USH2A: variants seen among roughly 807,000 people sequenced by gnomAD.
The protein encoded by USH2A is Usher syndrome 2A (autosomal recessive, mild).
In USH2A, 443 loss-of-function variants were observed where a neutral mutation model predicts 538.9. The ratio of observed to expected loss-of-function variants is 0.82; its 90% CI spans 0.76 to 0.89. USH2A has a LOEUF of 0.89. USH2A is among the 40% of genes least tolerant of loss of function. The pLI, the probability that USH2A is intolerant of heterozygous loss-of-function variation, is 0.00. For missense variants in USH2A, 6,633 were observed against 6,324.8 expected (o/e 1.05, Z -1.65); for synonymous variants, 2,413 against 2,273.5 (o/e 1.06, Z -1.75).
chr1:216,332,147 G>C (rs1323247056), intron 4 of USH2A, among the ~76,000 whole-genome samples: 2 of 152,116 alleles, frequency 1.3e-5, no homozygotes, highest in Non-Finnish European at 2.9e-5. Context: ...CAGAATGGGA[G>C]TGGAGCTGTT....
chr1:216,323,260 A>C (rs1314545469), intron 8 of USH2A, among the ~76,000 whole-genome samples: 3 of 137,888 alleles, frequency 2.2e-5, no homozygotes, highest in Non-Finnish European at 4.6e-5. Flanking sequence ...ATATATATTT[A>C]TTTATAAAAT....
chr1:216,065,197 G>C (rs1271688702), intron 30 of USH2A, among the ~76,000 whole-genome samples: 2 of 152,116 alleles, frequency 1.3e-5, no homozygotes, highest in Non-Finnish European at 2.9e-5. Context: ...CAATCTGTGG[G>C]ATCTCGCCTT....
intron 50 of USH2A, among the ~76,000 whole-genome samples, chr1:215,790,507 C>A (rs751222588): frequency 5.3e-5 from 8 of 152,062 alleles, no homozygotes; most frequent in African/African-American, 1.9e-4. Context: ...AGGAAATGTT[C>A]GAAAATCATT....
In USH2A at chr1:216,307,048, G is replaced by A. The variant is rs1208261659; in HGVS notation, c.1645-14678C>T. Among the ~76,000 whole-genome samples, 8 of 146,830 alleles carry A rather than the reference G, an allele frequency of 5.4e-5. No individual in the cohort carries two copies. In the East Asian group the frequency reaches 7.8e-4, roughly 14 times the overall value. On this transcript the variant is annotated intron_variant, in intron 9 of 71. Transcript: ENST00000307340. ...GTGGCGCTTTCAAGAGAGCATCAAC[G>A]GCAGTAGCATAGGGAGGATACAAGC...
rs2031017192 is a variant in USH2A at position 216,057,493 on chromosome 1, T to C, written c.6050-8846A>G. ...CAATATAGTGAAATCCCATCTCTAC[T>C]AAAAATACCAACAACAAAAACAAAA... On this transcript the variant is annotated intron_variant, in intron 30 of 71. Coordinates refer to ENST00000307340, the MANE Select transcript of USH2A (RefSeq NM_206933.4). Among the ~76,000 whole-genome samples, 5 of 151,738 alleles carry C rather than the reference T, an allele frequency of 3.3e-5. No homozygotes were observed. In the South Asian group the frequency reaches 1.0e-3, roughly 32 times the overall value.
At chr1:216,044,817 C>T (rs2030443356) in intron 32 of USH2A, among the ~76,000 whole-genome samples, 2 of 152,068 alleles carry the variant, frequency 1.3e-5, no homozygotes, top group Non-Finnish European at 1.5e-5. Flanking sequence ...AGTTTCTTCA[C>T]TTGTAAAATT....
intron 9 of USH2A, among the ~76,000 whole-genome samples, chr1:216,318,197 C>T (rs1464460764): frequency 6.6e-6 from 1 of 152,132 alleles, no homozygotes; most frequent in African/African-American, 2.4e-5. Context: ...ATATAATTCA[C>T]AAAAGCCCTG....
intron 9 of USH2A, 122 bp from the exon 10 acceptor site, chr1:216,292,492 A>G: frequency 9.4e-7 from 1 of 1,063,248 alleles, no homozygotes; most frequent in Non-Finnish European, 1.3e-6. Flanking sequence ...GTCAGCAATG[A>G]TTTTATTTGA....
intron 3 of USH2A, among the ~76,000 whole-genome samples, chr1:216,405,242 T>G (rs905220543): frequency 1.3e-5 from 2 of 152,134 alleles, no homozygotes; most frequent in Non-Finnish European, 1.5e-5. Context: ...CAAGACTTCA[T>G]AGACTTGACA....
At chr1:216,106,360 G>A (rs1246254696) in intron 21 of USH2A, among the ~76,000 whole-genome samples, 1 of 149,872 alleles carries the variant, frequency 6.7e-6, no homozygotes, top group Non-Finnish European at 1.5e-5. Flanking sequence ...AATATTTGTA[G>A]TGGTCCTTCA....
At chr1:216,007,102 C>T (rs1668411704) in intron 32 of USH2A, among the ~76,000 whole-genome samples, 1 of 152,088 alleles carries the variant, frequency 6.6e-6, no homozygotes, top group African/African-American at 2.4e-5. Flanking sequence ...TCCCTTGGCT[C>T]TCATTTCTGT....
rs113823393 is a variant in USH2A, at chr1:215,741,043, A to G, written c.11711+332T>C. On this transcript the variant is annotated intron_variant, in intron 60 of 71. Coordinates refer to ENST00000307340, the MANE Select transcript of USH2A (RefSeq NM_206933.4). ...GGACTCTGTGGCCTGGGGGTTAGGA[A>G]CCCCTGCTTTAGAGGACTGTTCTGC... Among the ~76,000 whole-genome samples, 863 of 146,806 alleles carry G rather than the reference A, an allele frequency of 5.9e-3. 5 individuals carry two copies. The highest frequency in any genetic ancestry group is 0.021 in the African/African-American group (829 of 39,756).
At chr1:216,136,360 T>C (rs2033486567) in intron 21 of USH2A, among the ~76,000 whole-genome samples, 1 of 152,202 alleles carries the variant, frequency 6.6e-6, no homozygotes, top group Admixed American at 6.6e-5. Flanking sequence ...ATACTAGTTA[T>C]TAAAGCTTTT....
chr1:216,169,257 C>A (rs1305401752), intron 21 of USH2A, among the ~76,000 whole-genome samples: 4 of 152,074 alleles, frequency 2.6e-5, no homozygotes, highest in African/African-American at 9.7e-5. Context: ...TTTAAGTTAA[C>A]TAAAATACTG....
chr1:215,894,551 T>A (rs1665278781), intron 40 of USH2A, among the ~76,000 whole-genome samples: 1 of 152,158 alleles, frequency 6.6e-6, no homozygotes, highest in Non-Finnish European at 1.5e-5. Context: ...ATGGTTTTGT[T>A]TTAGAATTCT....
chr1:215,647,389 T>C (rs1656886715), intron 67 of USH2A, 133 bp downstream of exon 67: 2 of 1,109,464 alleles, frequency 1.8e-6, no homozygotes, highest in African/African-American at 3.1e-5. Context: ...TCCTCATCAA[T>C]GCTTCAGTAA....
rs1314039178 is a variant in USH2A at position 215,790,351 on chromosome 1, G to A, written c.9959-69C>T. 1.1e-5 allele frequency: 17 copies of A among 1,564,062 alleles called. No homozygotes were observed. In the South Asian group the frequency reaches 1.7e-4, roughly 15 times the overall value. ...GGAAGAAAACTGAGGCTGCTATAAA[G>A]TTTGGTATAAAAATGTCAGGCTCAG... On this transcript the variant is annotated intron_variant, in intron 50 of 71. Coordinates refer to ENST00000307340, the MANE Select transcript of USH2A (RefSeq NM_206933.4).
intron 13 of USH2A, among the ~76,000 whole-genome samples, chr1:216,241,501 T>C (rs1489974363): frequency 3.9e-5 from 6 of 152,112 alleles, no homozygotes; most frequent in African/African-American, 1.4e-4. Flanking sequence ...CTGGCTCTTT[T>C]TTTGGAGGAC....
intron 21 of USH2A, among the ~76,000 whole-genome samples, chr1:216,161,949 C>A (rs977715216): frequency 2.0e-5 from 3 of 152,030 alleles, no homozygotes; most frequent in African/African-American, 7.2e-5. Flanking sequence ...TCTCCCCACC[C>A]TCCCCAGGTG....
Sources: allele counts gnomAD v4.1 joint callset (sites outside exome capture counted in the v4.1 genomes callset), GRCh38; gene constraint gnomAD v4.1.1; transcripts MANE v1.5; gene names NCBI Gene and HGNC (gene_info 2026-07-23, HGNC 2026-07-21).